TENM1: variants seen among roughly 807,000 people sequenced by gnomAD.
The protein encoded by TENM1 is teneurin transmembrane protein 1, also known as teneurin-1.
TENM1 carries 35 observed loss-of-function variants against 174.8 expected under a neutral mutation model. That is an observed-to-expected ratio of 0.20 (90% CI 0.15 to 0.27). TENM1 has a LOEUF of 0.27. Ranked by LOEUF, TENM1 falls within the 10% of genes least tolerant of loss-of-function variation. TENM1 has a pLI of 1.00. For synonymous variants in TENM1, 781 were observed against 798.7 expected, an observed-to-expected ratio of 0.98 and a Z score of 0.37; for missense variants, 1,633 against 2,130.1, an observed-to-expected ratio of 0.77 and a Z score of 4.59.
intron 3 of TENM1, among the ~76,000 whole-genome samples, chrX:124,807,732 AAAGTT>A (rs2055642219): frequency 9.0e-6 from 1 of 111,702 alleles, no homozygotes; most frequent in African/African-American, 3.3e-5. Context: ...AATTGTCATC[AAAGTT>A]AAGTTGTGAT....
At chrX:124,963,807 T>TAA in exon 1 of TENM1, 1 of 1,005,321 alleles carries the variant, frequency 9.9e-7, no homozygotes, top group Non-Finnish European at 1.4e-6. Context: ...AGTCCTTTAA[T>TAA]GCAAGCAGTC....
the TENM1 span, among the ~76,000 whole-genome samples, chrX:125,150,133 G>A: frequency 9.0e-6 from 1 of 111,627 alleles, no homozygotes; most frequent in Non-Finnish European, 1.9e-5. Flanking sequence ...AGGAAGAAAG[G>A]AAGATAATGG....
intron 3 of TENM1, among the ~76,000 whole-genome samples, chrX:124,875,769 C>T (rs1054734301): frequency 5.7e-5 from 6 of 104,516 alleles, no homozygotes; most frequent in Non-Finnish European, 9.7e-5. Flanking sequence ...TCAGCTACTC[C>T]GGAGGCTAAA....
intron 28 of TENM1, among the ~76,000 whole-genome samples, chrX:124,389,178 A>G (rs1355841604): frequency 1.8e-5 from 2 of 112,316 alleles, no homozygotes; most frequent in Admixed American, 1.9e-4. Context: ...ACCATTGTGC[A>G]TGAAAATGAT....
chrX:124,714,439 T>G (rs1035176903), intron 4 of TENM1, among the ~76,000 whole-genome samples: 1 of 112,263 alleles, frequency 8.9e-6, no homozygotes, highest in African/African-American at 3.2e-5. Flanking sequence ...TTAATTCACC[T>G]GGTCATCTGA....
At chrX:125,151,813 C>A in the TENM1 span, among the ~76,000 whole-genome samples, 1 of 111,550 alleles carries the variant, frequency 9.0e-6, no homozygotes, top group South Asian at 3.8e-4. Flanking sequence ...GCTAAATATC[C>A]TACAATGCAC....
intron 15 of TENM1, among the ~76,000 whole-genome samples, chrX:124,533,074 A>G: frequency 8.9e-6 from 1 of 112,257 alleles, no homozygotes; most frequent in Middle Eastern, 4.6e-3. Context: ...CCATTTCAAA[A>G]AGAAAGCTCT....
chrX:124,817,611 G>C (rs1466726479), intron 3 of TENM1, among the ~76,000 whole-genome samples: 3 of 111,301 alleles, frequency 2.7e-5, no homozygotes, highest in African/African-American at 9.8e-5. Context: ...CTAAGGCTCT[G>C]AGATGTTAAG....
intron 3 of TENM1, among the ~76,000 whole-genome samples, chrX:124,751,553 C>A (rs1007316877): frequency 5.5e-5 from 6 of 109,473 alleles, no homozygotes; most frequent in African/African-American, 1.7e-4. Flanking sequence ...AGGTTAGTTA[C>A]ATATGTATAT....
At chrX:125,181,648 T>C in the TENM1 span, among the ~76,000 whole-genome samples, 1 of 111,642 alleles carries the variant, frequency 9.0e-6, no homozygotes, top group Non-Finnish European at 1.9e-5. Flanking sequence ...ATCCTAGGTA[T>C]CAATGTGGAG....
intron 1 of TENM1, among the ~76,000 whole-genome samples, chrX:124,934,776 G>C (rs2147729970): frequency 9.0e-6 from 1 of 111,543 alleles, no homozygotes; most frequent in African/African-American, 3.3e-5. Flanking sequence ...AACCCCATTG[G>C]TTTGCCCAGT....
chrX:125,175,397 T>C, the TENM1 span, among the ~76,000 whole-genome samples: 1 of 111,533 alleles, frequency 9.0e-6, no homozygotes, highest in African/African-American at 3.2e-5. Flanking sequence ...ACAGTCCTCT[T>C]TAAAATTTTA....
At chrX:125,086,897 C>T in the TENM1 span, among the ~76,000 whole-genome samples, 1 of 111,180 alleles carries the variant, frequency 9.0e-6, no homozygotes, top group African/African-American at 3.2e-5. Context: ...GAAAGAAAGT[C>T]GCTATCACAC....
intron 25 of TENM1, among the ~76,000 whole-genome samples, chrX:124,418,452 C>A (rs1403399515): frequency 3.6e-5 from 4 of 110,035 alleles, no homozygotes; most frequent in African/African-American, 1.3e-4. Flanking sequence ...TCCTGTCCAC[C>A]CAATCTGAAA....
the TENM1 span, among the ~76,000 whole-genome samples, chrX:125,155,760 G>C: frequency 8.9e-6 from 1 of 112,742 alleles, no homozygotes; most frequent in East Asian, 2.8e-4. Context: ...TCCGAGTGTG[G>C]GGCAGCTGAG....
At chrX:124,650,263 C>T (rs2051270335) in intron 8 of TENM1, among the ~76,000 whole-genome samples, 1 of 105,435 alleles carries the variant, frequency 9.5e-6, no homozygotes, top group Admixed American at 1.0e-4. Flanking sequence ...GACTTACAAG[C>T]CTTTTGATTT....
chrX:124,679,695 T>C (rs766081604), intron 5 of TENM1, among the ~76,000 whole-genome samples: 1 of 111,951 alleles, frequency 8.9e-6, no homozygotes, highest in South Asian at 3.7e-4. Context: ...TTTATCCTGA[T>C]AATAACCATA....
chrX:124,896,273 T>C (rs1472108856), intron 1 of TENM1, 32 bp from the exon 5 acceptor site: 3 of 1,181,867 alleles, frequency 2.5e-6, no homozygotes, highest in Admixed American at 2.3e-5. Flanking sequence ...AGAAAACGTT[T>C]AGAAGTATGA....
At chrX:124,707,803 G>A (rs1160704212) in intron 4 of TENM1, among the ~76,000 whole-genome samples, 1 of 112,028 alleles carries the variant, frequency 8.9e-6, no homozygotes, top group Non-Finnish European at 1.9e-5. Flanking sequence ...TCTTGAGTGT[G>A]TACATTTCCC....
Sources: allele counts gnomAD v4.1 joint callset (sites outside exome capture counted in the v4.1 genomes callset), GRCh38; gene constraint gnomAD v4.1.1; transcripts MANE v1.5; gene names NCBI Gene and HGNC (gene_info 2026-07-23, HGNC 2026-07-21).